The following CAP2 variants were observed in gnomAD, a reference collection of about 807,000 sequenced individuals.
CAP2 encodes cyclase associated actin cytoskeleton regulatory protein 2, also known as adenylyl cyclase-associated protein 2.
Under a neutral mutation model 57.7 loss-of-function variants are expected in CAP2, and 24 were observed. The observed-to-expected ratio is 0.42, with a 90% confidence interval of 0.30 to 0.58. CAP2 has a LOEUF of 0.58. CAP2 is among the 20% of genes least tolerant of loss of function. CAP2 has a pLI of 0.22. For missense variants in CAP2, 501 were observed against 590.3 expected (o/e 0.85, Z 1.57); for synonymous variants, 194 against 207.2 (o/e 0.94, Z 0.55).
intron 3 of CAP2, among the ~76,000 whole-genome samples, chr6:17,430,385 T>TA (rs1468031165): frequency 2.0e-5 from 3 of 152,232 alleles, no homozygotes; most frequent in African/African-American, 7.2e-5. Flanking sequence ...TAGATAATTT[T>TA]ATGCATAATT....
rs370668623 is a variant in CAP2, at chr6:17,539,911, C to G, written c.826+453C>G. Among the ~76,000 whole-genome samples the G allele has an allele frequency of 1.1e-4, 17 of 152,284 alleles. No individual in the cohort carries two copies. In the East Asian group the frequency reaches 2.3e-3, roughly 21 times the overall value. The stretch of plus-strand genomic sequence containing the variant: ...CCTGGGCAACATAGTGAGACCCCAT[C>G]TTTACCAAAAATAAACAGAAATTAG... On this transcript the variant is annotated intron_variant, in intron 8 of 12. Coordinates refer to ENST00000229922, the MANE Select transcript of CAP2 (RefSeq NM_006366.3).
intron 1 of CAP2, among the ~76,000 whole-genome samples, chr6:17,407,534 T>G (rs1268703964): frequency 6.6e-6 from 1 of 150,936 alleles, no homozygotes; most frequent in Non-Finnish European, 1.5e-5. Context: ...CCCAGCACTT[T>G]TGGAGGCCAA....
chr6:17,405,537 T>C (rs1003526869), intron 1 of CAP2, among the ~76,000 whole-genome samples: 1 of 150,966 alleles, frequency 6.6e-6, no homozygotes, highest in African/African-American at 2.5e-5. Context: ...TCTCAAAATA[T>C]CTTATTGTAC....
intron 4 of CAP2, among the ~76,000 whole-genome samples, chr6:17,480,930 C>A (rs1010851134): frequency 1.3e-5 from 2 of 150,436 alleles, no homozygotes; most frequent in Non-Finnish European, 3.0e-5. Context: ...AGGTGCACAC[C>A]ACCACACCTG....
At chr6:17,516,507 A>G (rs1386782082) in intron 7 of CAP2, among the ~76,000 whole-genome samples, 3 of 152,230 alleles carry the variant, frequency 2.0e-5, no homozygotes, top group Non-Finnish European at 2.9e-5. Context: ...AATTGGGTAC[A>G]GTGTATACTG....
chr6:17,510,183 G>A (rs886403476), intron 6 of CAP2, among the ~76,000 whole-genome samples: 2 of 152,026 alleles, frequency 1.3e-5, no homozygotes, highest in East Asian at 3.8e-4. Context: ...GCTAATGGGT[G>A]TAGGGTTTCT....
chr6:17,498,543 A>G (rs919689081), intron 4 of CAP2, among the ~76,000 whole-genome samples: 1 of 152,066 alleles, frequency 6.6e-6, no homozygotes, highest in African/African-American at 2.4e-5. Flanking sequence ...GGTCTTATTT[A>G]AATAGTTCTA....
chr6:17,453,917 T>C (rs1257895726), intron 3 of CAP2, among the ~76,000 whole-genome samples: 6 of 150,326 alleles, frequency 4.0e-5, no homozygotes, highest in Non-Finnish European at 5.9e-5. Flanking sequence ...TTTTTTTTTT[T>C]TTCCTTGCCC....
chr6:17,531,263 G>C (rs911350035), intron 7 of CAP2: 1 of 822,322 alleles, frequency 1.2e-6, no homozygotes, highest in South Asian at 1.3e-5. Context: ...CTGAAGCCTT[G>C]TTGAGCTTCA....
intron 3 of CAP2, among the ~76,000 whole-genome samples, chr6:17,456,794 A>G (rs1765921354): frequency 6.6e-6 from 1 of 152,144 alleles, no homozygotes; most frequent in South Asian, 2.1e-4. Flanking sequence ...TGCTTTTGCC[A>G]TCTTCCAAGT....
At chr6:17,440,692 T>C (rs545575834) in intron 3 of CAP2, among the ~76,000 whole-genome samples, 1 of 151,006 alleles carries the variant, frequency 6.6e-6, no homozygotes, top group East Asian at 1.9e-4. Context: ...TTATTATACT[T>C]TAAGTTCTAG....
chr6:17,489,052 A>C (rs1461651043), intron 4 of CAP2, among the ~76,000 whole-genome samples: 2 of 152,192 alleles, frequency 1.3e-5, no homozygotes, highest in African/African-American at 4.8e-5. Flanking sequence ...AACACAGGAA[A>C]ATACCTCCAC....
chr6:17,457,755 A>C (rs927811118), intron 3 of CAP2, among the ~76,000 whole-genome samples: 1 of 152,264 alleles, frequency 6.6e-6, no homozygotes, highest in African/African-American at 2.4e-5. Flanking sequence ...ATCTTTGCTC[A>C]TCAGACCTGC....
intron 11 of CAP2, among the ~76,000 whole-genome samples, chr6:17,547,517 C>G (rs1284682145): frequency 6.6e-6 from 1 of 152,146 alleles, no homozygotes; most frequent in Non-Finnish European, 1.5e-5. Context: ...AGAATTCCTC[C>G]TGTCATTGCT....
At chr6:17,453,903 T>C (rs1760478852) in intron 3 of CAP2, among the ~76,000 whole-genome samples, 1 of 27,246 alleles carries the variant, frequency 3.7e-5, no homozygotes, top group African/African-American at 2.4e-4. Flanking sequence ...TTTTTATTCT[T>C]TTTTTTTTTT....
chr6:17,451,305 C>T (rs759453662), intron 3 of CAP2, among the ~76,000 whole-genome samples: 12 of 151,812 alleles, frequency 7.9e-5, no homozygotes, highest in Non-Finnish European at 1.5e-4. Flanking sequence ...TGTGTTTTGT[C>T]AAGCTGAGCA....
chr6:17,399,132 C>T (rs989833906), intron 1 of CAP2, among the ~76,000 whole-genome samples: 3 of 152,174 alleles, frequency 2.0e-5, no homozygotes, highest in Non-Finnish European at 4.4e-5. Flanking sequence ...GGCACCATCT[C>T]GGCTCGCTGC....
chr6:17,496,036 G>GGGGC (rs1554127030), intron 4 of CAP2, among the ~76,000 whole-genome samples: 12 of 133,604 alleles, frequency 9.0e-5, no homozygotes, highest in South Asian at 5.9e-4. Context: ...GTGGGGGGGG[G>GGGGC]GGGTAAGTCA....
chr6:17,514,364 A>G (rs116595870), intron 7 of CAP2, among the ~76,000 whole-genome samples: 2,958 of 152,226 alleles, frequency 0.019, 96 homozygotes, highest in African/African-American at 0.067. Flanking sequence ...CTCTGTCCAA[A>G]AAAAGCCCAT....
Sources: allele counts gnomAD v4.1 joint callset (sites outside exome capture counted in the v4.1 genomes callset), GRCh38; gene constraint gnomAD v4.1.1; transcripts MANE v1.5; gene names NCBI Gene and HGNC (gene_info 2026-07-23, HGNC 2026-07-21).